Variants in NBPF26 observed in about 807,000 individuals in gnomAD.
NBPF26 encodes the protein NBPF member 26, also known as NBPF family member NBPF26.
A neutral mutation model predicts 119.6 loss-of-function variants in NBPF26; 79 were observed. The observed-to-expected ratio is 0.66, with a 90% CI of 0.55 to 0.80. NBPF26 has a LOEUF of 0.80. Among genes scored for constraint, NBPF26 ranks in the 30% least tolerant of loss-of-function variants. The pLI is 0.00. For synonymous variants in NBPF26, 299 were observed against 457.7 expected (o/e 0.65, Z 4.43); for missense variants, 800 against 1,198.2 (o/e 0.67, Z 4.91).
rs1651364919 is a variant in NBPF26 at position 120,781,823 on chromosome 1, G to T, written c.156-3151G>T. 1.7e-5 allele frequency among the ~76,000 whole-genome samples: 2 copies of T among 117,718 alleles called. 1 individual carries two copies. The highest frequency in any genetic ancestry group is 9.4e-5 in the African/African-American group (2 of 21,298). 77.2% of individuals were successfully genotyped at this position (117,718 alleles called of 152,430 possible). On this transcript the variant is annotated intron_variant, in intron 2 of 29. Coordinates refer to ENST00000620612, the Ensembl canonical transcript of NBPF26. ...TCTGCCTGCCTCGGCCTCCCAAAGT[G>T]CTGAGATTACTGGTGTGAGCCACCG...
chr1:120,833,354 A>C (rs1652401107), intron 23 of NBPF26, among the ~76,000 whole-genome samples: 1 of 11,246 alleles, frequency 8.9e-5, no homozygotes, highest in African/African-American at 1.6e-3. Context: ...TGGCCAATTC[A>C]CTAGGTCACT....
chr1:120,770,697 GC>G, intron 2 of NBPF26, among the ~76,000 whole-genome samples: 1 of 120,112 alleles, frequency 8.3e-6, no homozygotes, highest in Admixed American at 7.8e-5. Context: ...TCACTCTGTA[GC>G]TAACCTGAGA....
Position 120,781,924 on chromosome 1 carries a change from G to A in NBPF26, c.156-3050G>A, listed in dbSNP as rs1178258668. ...TATATAAAATGGAGATTATAATATA[G>A]CACTGGAGCGAGTAATACAAGAGAC... On this transcript the variant is annotated intron_variant, in intron 2 of 29. Transcript: ENST00000620612. Among the ~76,000 whole-genome samples the A allele has an allele frequency of 5.8e-3, 632 of 109,630 alleles. 202 individuals carry two copies. The highest frequency in any genetic ancestry group is 0.035 in the African/African-American group (621 of 17,988). The allele number at this position is 109,630 out of a possible 152,430, so 71.9% of individuals were successfully genotyped here.
intron 4 of NBPF26, among the ~76,000 whole-genome samples, chr1:120,803,381 C>G (rs1221694139): frequency 7.7e-6 from 1 of 129,128 alleles, no homozygotes; most frequent in South Asian, 2.3e-4. Context: ...GTGAATTAAA[C>G]ACAGCCAAGG....
exon 6 of NBPF26, chr1:120,807,662 C>G (rs1553270305): frequency 2.1e-6 from 3 of 1,460,710 alleles, no homozygotes; most frequent in Non-Finnish European, 2.8e-6. Flanking sequence ...AGCGACAGTT[C>G]AAGGAGGAGA....
exon 16 of NBPF26, chr1:120,822,212 C>T: frequency 2.6e-6 from 3 of 1,171,790 alleles, no homozygotes; most frequent in Non-Finnish European, 2.3e-6. Context: ...AGTCTTACAG[C>T]AGCACATTTC....
intron 15 of NBPF26, among the ~76,000 whole-genome samples, chr1:120,819,195 A>G (rs1652078663): frequency 8.2e-6 from 1 of 121,278 alleles, no homozygotes; most frequent in African/African-American, 4.0e-5. Context: ...AGGATAGTTA[A>G]CTCTTCTTGT....
chr1:120,792,547 G>A (rs1450977503), intron 3 of NBPF26, among the ~76,000 whole-genome samples: 1 of 111,774 alleles, frequency 8.9e-6, no homozygotes, highest in Non-Finnish European at 1.7e-5. Flanking sequence ...TGTCGCCCAG[G>A]CTGGAGTGCA....
chr1:120,730,681 T>C (rs1396051901), intron 1 of NBPF26, among the ~76,000 whole-genome samples: 2 of 100,862 alleles, frequency 2.0e-5, no homozygotes, highest in East Asian at 2.4e-4. Context: ...AGGGGGATGA[T>C]AAAGCCATAG....
chr1:120,812,935 AT>A (rs1651906709), intron 10 of NBPF26, among the ~76,000 whole-genome samples: 2 of 117,328 alleles, frequency 1.7e-5, no homozygotes, highest in African/African-American at 9.5e-5. Flanking sequence ...AATAATAATA[AT>A]AATAATAATA....
At chr1:120,809,864 C>T (rs1553270738) in exon 8 of NBPF26, 5 of 1,457,234 alleles carry the variant, frequency 3.4e-6, no homozygotes, top group Non-Finnish European at 4.6e-6. Flanking sequence ...TGAGAAAGTA[C>T]TGGAATCATC....
At chr1:120,816,884 C>G in intron 14 of NBPF26, 57 bp downstream of exon 14, 1 of 1,450,296 alleles carries the variant, frequency 6.9e-7, no homozygotes, top group South Asian at 1.2e-5. Flanking sequence ...AAGATAAACT[C>G]TGAAGACAGG....
chr1:120,770,178 G>GT (rs1174915535), intron 2 of NBPF26, among the ~76,000 whole-genome samples: 24 of 93,644 alleles, frequency 2.6e-4, no homozygotes, highest in South Asian at 1.3e-3. Flanking sequence ...TTTTGTTGTT[G>GT]TTTTTTTTTG....
Position 120,801,727 on chromosome 1 carries a change from G to A in NBPF26, c.752-3829G>A, listed in dbSNP as rs1651584125. 2.0e-5 allele frequency among the ~76,000 whole-genome samples: 2 copies of A among 102,024 alleles called. 1 individual carries two copies. Among genetic ancestry groups the A allele is most frequent in the Non-Finnish European group, 3.6e-5 (2 of 55,536 alleles). The allele number at this position is 102,024 out of a possible 152,430, so 66.9% of individuals were successfully genotyped here. ...GCCTAGAGTTCCAACTACTTGGAAAGCTGAGGCAGGAGGATCGCTTGAGCC... is the reference window on the plus strand; with the variant it reads ...GCCTAGAGTTCCAACTACTTGGAAAACTGAGGCAGGAGGATCGCTTGAGCC... On this transcript the variant is annotated intron_variant, in intron 4 of 29. Coordinates refer to ENST00000620612, the Ensembl canonical transcript of NBPF26.
At chr1:120,770,725 G>A (rs1651254207) in intron 2 of NBPF26, among the ~76,000 whole-genome samples, 1 of 119,286 alleles carries the variant, frequency 8.4e-6, no homozygotes, top group Admixed American at 7.9e-5. Flanking sequence ...CGTGGAAAAT[G>A]TACTGTCACC....
At chr1:120,759,869 C>T (rs1651115047) in intron 1 of NBPF26, among the ~76,000 whole-genome samples, 1 of 108,760 alleles carries the variant, frequency 9.2e-6, no homozygotes, top group African/African-American at 5.9e-5. Context: ...TGTACAATAC[C>T]CTATTATTAA....
intron 4 of NBPF26, 114 bp from the exon 5 acceptor site, chr1:120,805,442 T>C: frequency 7.3e-7 from 1 of 1,362,138 alleles, no homozygotes; most frequent in South Asian, 1.3e-5. Flanking sequence ...AGTGATCACA[T>C]TTTTCACAAC....
At chr1:120,819,359 G>A (rs1355400750) in intron 15 of NBPF26, among the ~76,000 whole-genome samples, 1 of 110,030 alleles carries the variant, frequency 9.1e-6, no homozygotes, top group Non-Finnish European at 1.7e-5. Flanking sequence ...CCTTTATTTT[G>A]AGCCTATGTG....
At chr1:120,840,966 G>A, downstream of NBPF26, 1 of 246,228 alleles carries the variant, frequency 4.1e-6, no homozygotes, top group East Asian at 7.2e-5. Flanking sequence ...TCATCCAAAG[G>A]TGTTACCCTG....
Sources: allele counts gnomAD v4.1 joint callset (sites outside exome capture counted in the v4.1 genomes callset), GRCh38; gene constraint gnomAD v4.1.1; transcripts MANE v1.5; gene names NCBI Gene and HGNC (gene_info 2026-07-23, HGNC 2026-07-21).